GSE1: variants seen among roughly 807,000 people sequenced by gnomAD.
GSE1 encodes the protein Gse1 coiled-coil protein.
Under a neutral mutation model 112.6 loss-of-function variants are expected in GSE1, and 32 were observed. The ratio of observed to expected loss-of-function variants is 0.28; its 90% CI spans 0.21 to 0.38. The LOEUF (loss-of-function observed/expected upper bound fraction) is 0.38, where lower values mean the gene tolerates loss of function less well. Ranked by LOEUF, GSE1 falls within the 10% of genes least tolerant of loss-of-function variation. GSE1 has a pLI of 1.00. For synonymous variants in GSE1, 1,115 were observed against 735.6 expected (o/e 1.52, Z -8.35); for missense variants, 2,348 against 1,699.2 (o/e 1.38, Z -6.71).
At position 85,564,082 on chromosome 16, in the gene GSE1, A is replaced by G. The variant is rs114189740; in HGVS notation, c.37+7719A>G. On this transcript the variant is annotated intron_variant, in intron 1 of 2. Coordinates refer to the GSE1 transcript ENST00000635906. The stretch of plus-strand genomic sequence containing the variant: ...TGGGCAGGAGCAGCAGAGGAGATCT[A>G]TGTTTTATCTGTAAGTCACTTAGGG... Among the ~76,000 whole-genome samples, 512 of 152,258 alleles carry G rather than the reference A, an allele frequency of 3.4e-3. 2 individuals are homozygous for G. Among genetic ancestry groups the G allele is most frequent in the African/African-American group, 6.1e-3 (253 of 41,544 alleles).
chr16:85,475,421 A>G (rs2050422160), intron 2 of GSE1, among the ~76,000 whole-genome samples: 1 of 152,246 alleles, frequency 6.6e-6, no homozygotes, highest in South Asian at 2.1e-4. Context: ...TTTGTCCTGT[A>G]GAGGCACCTG....
chr16:85,417,803 A>C (rs765535913), intron 2 of GSE1, among the ~76,000 whole-genome samples: 8 of 152,194 alleles, frequency 5.3e-5, no homozygotes, highest in African/African-American at 4.8e-5. Flanking sequence ...AGCATTTCTG[A>C]TTCCATGGGT....
At chr16:85,505,952 G>T (rs2051521246) in intron 2 of GSE1, among the ~76,000 whole-genome samples, 1 of 151,328 alleles carries the variant, frequency 6.6e-6, no homozygotes, top group South Asian at 2.1e-4. Flanking sequence ...CAGCCTGGGG[G>T]AGACCCTGTC....
chr16:85,390,433 G>C (rs1445360463), intron 2 of GSE1, among the ~76,000 whole-genome samples: 2 of 152,126 alleles, frequency 1.3e-5, no homozygotes, highest in Non-Finnish European at 2.9e-5. Context: ...GGGGCAGCTA[G>C]TCCCCTTTGA....
intron 2 of GSE1, among the ~76,000 whole-genome samples, chr16:85,548,081 T>C (rs1251934462): frequency 6.6e-6 from 1 of 151,226 alleles, no homozygotes; most frequent in African/African-American, 2.4e-5. Flanking sequence ...CCAAAAAAAT[T>C]AGCTGGGCGT....
intron 1 of GSE1, among the ~76,000 whole-genome samples, chr16:85,268,167 G>T (rs1908447319): frequency 6.6e-6 from 1 of 152,088 alleles, no homozygotes; most frequent in Admixed American, 6.5e-5. Flanking sequence ...TGGGGGGATT[G>T]CTTGGGGCCC....
chr16:85,522,721 C>A (rs114617375), intron 2 of GSE1, among the ~76,000 whole-genome samples: 1 of 151,984 alleles, frequency 6.6e-6, no homozygotes, highest in Non-Finnish European at 1.5e-5. Flanking sequence ...GTGATGGTTG[C>A]GCAGAGTGTT....
intron 2 of GSE1, among the ~76,000 whole-genome samples, chr16:85,638,779 G>A (rs1337817806): frequency 1.6e-4 from 14 of 87,134 alleles, no homozygotes; most frequent in Admixed American, 1.3e-4. Context: ...CTGACTCCCC[G>A]TCCTACCCCT....
At chr16:85,561,319 C>T (rs1161875666) in intron 1 of GSE1, among the ~76,000 whole-genome samples, 2 of 152,126 alleles carry the variant, frequency 1.3e-5, no homozygotes, top group Non-Finnish European at 2.9e-5. Flanking sequence ...TGGAGCAGGG[C>T]GCCGATCCTG....
intron 2 of GSE1, among the ~76,000 whole-genome samples, chr16:85,474,422 C>T (rs1416926647): frequency 3.3e-5 from 5 of 152,082 alleles, no homozygotes; most frequent in African/African-American, 1.2e-4. Context: ...CGGAGGGAGG[C>T]GGGTGGGGGA....
upstream of GSE1, among the ~76,000 whole-genome samples, chr16:85,612,514 A>C (rs1384399016): frequency 6.6e-6 from 1 of 151,998 alleles, no homozygotes; most frequent in Non-Finnish European, 1.5e-5. Flanking sequence ...CCCCTGGCGA[A>C]GCGGCGCCTC....
intron 2 of GSE1, among the ~76,000 whole-genome samples, chr16:85,469,718 T>G (rs571841934): frequency 4.9e-4 from 74 of 152,302 alleles, no homozygotes; most frequent in Non-Finnish European, 8.4e-4. Flanking sequence ...CCCTCTCTTG[T>G]CCCCAGTTCA....
At chr16:85,526,226 T>G (rs970572633) in intron 2 of GSE1, among the ~76,000 whole-genome samples, 3 of 152,214 alleles carry the variant, frequency 2.0e-5, no homozygotes, top group African/African-American at 7.2e-5. Context: ...GCCCAGCTCC[T>G]CCCCAGGGAT....
At chr16:85,558,767 G>A (rs1262977821) in intron 1 of GSE1, among the ~76,000 whole-genome samples, 1 of 152,226 alleles carries the variant, frequency 6.6e-6, no homozygotes, top group South Asian at 2.1e-4. Flanking sequence ...GTAATATTCA[G>A]GGTGAGGGCT....
In GSE1 at chr16:85,221,122, C is replaced by T. The variant is rs868358252; in HGVS notation, c.2283+49315C>T. ...AGTCGACCAGACCTCCGAGGTCAAG[C>T]GGTGCAGCCCCCGCCCAGAGGCAGG... On this transcript the variant is annotated intron_variant, in intron 1 of 2. Transcript: ENST00000637419. Among the ~76,000 whole-genome samples, 74 of 152,132 alleles carry T rather than the reference C, an allele frequency of 4.9e-4. 1 individual carries two copies. In the Middle Eastern group the frequency reaches 0.017, roughly 35 times the overall value.
intron 2 of GSE1, among the ~76,000 whole-genome samples, chr16:85,482,983 A>ACAAAACAAAACAAAAC (rs144014707): frequency 6.7e-6 from 1 of 148,632 alleles, no homozygotes; most frequent in Non-Finnish European, 1.5e-5. Context: ...GTCTCAAAAA[A>ACAAAACAAAACAAAAC]AAAAAAAAAA....
chr16:85,494,892 G>A (rs2051121590), intron 2 of GSE1, among the ~76,000 whole-genome samples: 1 of 152,222 alleles, frequency 6.6e-6, no homozygotes, highest in Non-Finnish European at 1.5e-5. Flanking sequence ...CAGAAAGGAG[G>A]TGCCGGGCCC....
At position 85,383,061 on chromosome 16, in the gene GSE1, A is replaced by G. The variant is rs559486437; in HGVS notation, c.2464+25418A>G. On this transcript the variant is annotated intron_variant, in intron 2 of 2. Transcript: ENST00000637419. Reference sequence around the variant, plus strand: ...ACACACCGTGTACATGCATGTGCGCACACACACACATGTAATCACAGCCTT... The same window carrying G: ...ACACACCGTGTACATGCATGTGCGCGCACACACACATGTAATCACAGCCTT... 4.4e-4 allele frequency among the ~76,000 whole-genome samples: 65 copies of G among 147,028 alleles called. 1 individual carries two copies. The highest frequency in any genetic ancestry group is 8.9e-4 in the South Asian group (4 of 4,474).
intron 2 of GSE1, among the ~76,000 whole-genome samples, chr16:85,371,028 G>T (rs1011480603): frequency 3.4e-4 from 52 of 152,182 alleles, no homozygotes; most frequent in Non-Finnish European, 8.8e-5. Flanking sequence ...ACACCCTCGC[G>T]CTCTCTTCTG....
Sources: gnomAD v4.1 joint callset for allele counts (sites outside exome capture counted in the v4.1 genomes callset) on GRCh38, gnomAD v4.1.1 for gene constraint, MANE v1.5 for transcripts, NCBI Gene and HGNC (gene_info 2026-07-23, HGNC 2026-07-21) for gene names.